NPFFR1: variants seen among roughly 807,000 people sequenced by gnomAD.
The protein encoded by NPFFR1 is neuropeptide FF receptor 1, also known as G-protein coupled receptor 147.
In NPFFR1, 17 loss-of-function variants were observed where a neutral mutation model predicts 12.7. The ratio of observed to expected loss-of-function variants is 1.34; its 90% CI spans 0.92 to 2.01. The LOEUF (loss-of-function observed/expected upper bound fraction) is 2.01. Ranked by LOEUF, NPFFR1 falls within the 30% of genes most tolerant of loss-of-function variation. NPFFR1 has a pLI of 0.00. For missense variants in NPFFR1, 604 were observed against 606.5 expected (o/e 1.00, Z 0.04); for synonymous variants, 296 against 264.5 (o/e 1.12, Z -1.16).
intron 1 of NPFFR1, among the ~76,000 whole-genome samples, chr10:70,282,400 C>T (rs773785407): frequency 2.6e-5 from 4 of 152,158 alleles, no homozygotes; most frequent in African/African-American, 4.8e-5. Flanking sequence ...GCTTTGCTAA[C>T]GCCATTCTTA....
intron 1 of NPFFR1, among the ~76,000 whole-genome samples, chr10:70,269,084 T>C (rs1589913761): frequency 6.6e-6 from 1 of 152,200 alleles, no homozygotes; most frequent in East Asian, 1.9e-4. Context: ...GCTGGATTTT[T>C]CTGATTGCTC....
At chr10:70,275,329 T>C (rs1186610104) in intron 1 of NPFFR1, among the ~76,000 whole-genome samples, 1 of 152,232 alleles carries the variant, frequency 6.6e-6, no homozygotes, top group Non-Finnish European at 1.5e-5. Context: ...CTTTATCACA[T>C]ACTGAGCCTG....
At position 70,255,683 on chromosome 10, in the gene NPFFR1, G is replaced by A; in HGVS notation, c.567C>T (p.Phe189=). Residue 189 remains phenylalanine (F), a synonymous_variant, in exon 4 of 4, where the codon TTC becomes TTT. Transcript: ENST00000277942. This position sits in a 1 kb window ranked among gnomAD's most constrained non-coding sequence, Gnocchi z 4.2. ...TLTVTREEHH[F]MVDARNRSYP... ...AGGAGCGGTTGCGGGCGTCCACCAT[G>A]AAGTGGTGCTCCTCACGGGTGACGG... 2 of 1,604,760 alleles carry A rather than the reference G, an allele frequency of 1.2e-6. No homozygotes were observed. Among genetic ancestry groups the A allele is most frequent in the Non-Finnish European group, 8.5e-7 (1 of 1,176,002 alleles).
chr10:70,255,509 C>A lies in NPFFR1; in HGVS notation c.741G>T (p.Pro247=). The A allele has an allele frequency of 6.5e-7, 1 of 1,547,914 alleles. No individual in the cohort carries two copies. Among genetic ancestry groups the A allele is most frequent in the Non-Finnish European group, 8.7e-7 (1 of 1,145,454 alleles). The part of the protein sequence containing the change: ...ARIARKLCQA[P]GPAPGGEEAA... ...CCTCCTCGCCCCCGGGGGCCGGGCCCGGGGCCTGGCAGAGCTTGCGCGCGA... is the reference window on the plus strand; with the variant it reads ...CCTCCTCGCCCCCGGGGGCCGGGCCAGGGGCCTGGCAGAGCTTGCGCGCGA... The change falls in exon 4 of 4, where the codon CCG becomes CCT. Residue 247 remains proline (P), a synonymous_variant. Transcript: ENST00000277942. The surrounding 1 kb of genome is among the most constrained non-coding windows in gnomAD (Gnocchi z 4.2).
chr10:70,267,547 T>C (rs1355958056), intron 1 of NPFFR1, among the ~76,000 whole-genome samples: 1 of 152,228 alleles, frequency 6.6e-6, no homozygotes, highest in Non-Finnish European at 1.5e-5. Context: ...GGCCCTGCTC[T>C]GTGTGTCTGT....
At position 70,250,193 on chromosome 10, in the gene NPFFR1, G is replaced by A. The variant is rs990527249; in HGVS notation, c.*4764C>T. 2.0e-5 allele frequency: 3 copies of A among 152,218 alleles called. No individual in the cohort carries two copies. The highest frequency in any genetic ancestry group is 7.2e-5 in the African/African-American group (3 of 41,408). The allele number at this position is 152,218 out of a possible 1,614,324, so 9.4% of individuals were successfully genotyped here. A position where few individuals can be genotyped will look rare whatever the true frequency, so the allele number is the denominator to read the frequency against. On this transcript the variant is annotated 3_prime_UTR_variant, in exon 4 of 4. Coordinates refer to ENST00000277942, the MANE Select transcript of NPFFR1 (RefSeq NM_022146.5). ...CCCAAAGTGCTGGGATTACAGACGT[G>A]AGCCACCACACCTGGCCTGGAAATT... is the stretch of plus-strand genomic sequence containing the variant.
chr10:70,263,240 A>G (rs137896399), intron 2 of NPFFR1, among the ~76,000 whole-genome samples: 402 of 152,342 alleles, frequency 2.6e-3, no homozygotes, highest in Non-Finnish European at 4.6e-3. Flanking sequence ...ATTTTAATGT[A>G]TGTTAAATTA....
intron 2 of NPFFR1, among the ~76,000 whole-genome samples, chr10:70,265,314 T>C (rs879395742): frequency 1.3e-5 from 2 of 152,242 alleles, no homozygotes; most frequent in Non-Finnish European, 2.9e-5. Context: ...TCCATATCTC[T>C]GAAAACCAGT....
At chr10:70,272,292 T>G (rs1456253644) in intron 1 of NPFFR1, among the ~76,000 whole-genome samples, 2 of 150,646 alleles carry the variant, frequency 1.3e-5, no homozygotes, top group Non-Finnish European at 3.0e-5. Context: ...CCTAAATGAA[T>G]GAGCTTAACC....
chr10:70,264,318 G>A (rs1840665874), intron 2 of NPFFR1, among the ~76,000 whole-genome samples: 1 of 138,370 alleles, frequency 7.2e-6, no homozygotes, highest in African/African-American at 2.7e-5. Context: ...AGGTTGCAGT[G>A]AGCCGAGATC....
rs573731429 is a variant in NPFFR1, at chr10:70,250,267, G to C, written c.*4690C>G. ...TGTTGGCCAGGATGTAGAACAACTG[G>C]AACATTCATACACTGCTGATGGGAG... On this transcript the variant is annotated 3_prime_UTR_variant, in exon 4 of 4. Transcript: ENST00000277942. 2.0e-5 allele frequency: 3 copies of C among 152,310 alleles called. No individual in the cohort carries two copies. Among genetic ancestry groups the C allele is most frequent in the African/African-American group, 7.2e-5 (3 of 41,570 alleles). 9.4% of individuals were successfully genotyped at this position (152,310 alleles called of 1,614,324 possible). A position where few individuals can be genotyped will look rare whatever the true frequency, so the allele number is the denominator to read the frequency against.
At chr10:70,274,710 C>T (rs1840783954) in intron 1 of NPFFR1, among the ~76,000 whole-genome samples, 1 of 152,146 alleles carries the variant, frequency 6.6e-6, no homozygotes, top group South Asian at 2.1e-4. Context: ...TCCTGCCTCT[C>T]CCAACCTCAT....
Position 70,266,307 on chromosome 10 carries a change from G to T in NPFFR1, c.92C>A (p.Thr31Asn). The T allele has an allele frequency of 1.2e-6, 2 of 1,613,792 alleles. No individual in the cohort carries two copies. Among genetic ancestry groups the T allele is most frequent in the South Asian group, 1.1e-5 (1 of 91,022 alleles). The change falls in exon 2 of 4, where the codon ACC becomes AAC. Residue 31 changes from threonine to asparagine, a missense_variant. Physicochemically the swap from Thr to Asn is moderately conservative, Grantham distance 65. Coordinates refer to ENST00000277942, the MANE Select transcript of NPFFR1 (RefSeq NM_022146.5). ...NTEATPATNL[T>N]FSSYYQHTSP... ...GGTGTGCTGATAGTAGGAGGAGAAG[G>T]TGAGGTTTGTAGCCGGGGTGGCCTC...
intron 1 of NPFFR1, among the ~76,000 whole-genome samples, chr10:70,275,424 G>A (rs972559249): frequency 5.9e-5 from 9 of 152,178 alleles, no homozygotes; most frequent in Admixed American, 2.0e-4. Context: ...GGAAAGTAAA[G>A]GGGAGGCAGG....
intron 2 of NPFFR1, among the ~76,000 whole-genome samples, chr10:70,264,197 A>C (rs1410041393): frequency 6.6e-6 from 1 of 152,080 alleles, no homozygotes; most frequent in Non-Finnish European, 1.5e-5. Flanking sequence ...AACATGGTGA[A>C]ACCCCATCTC....
Position 70,247,711 on chromosome 10 carries a change from C to T in NPFFR1, c.*7246G>A, listed in dbSNP as rs1468732555. ...CACTAAGCTTGGGTTTTTCCACCCA[C>T]ATTAATTTGGTTGCTTGCACATGAC... is the stretch of plus-strand genomic sequence containing the variant. On this transcript the variant is annotated 3_prime_UTR_variant, in exon 4 of 4. Transcript: ENST00000277942. 6.6e-6 allele frequency: 1 copy of T among 152,200 alleles called. No individual in the cohort carries two copies. The highest frequency in any genetic ancestry group is 6.5e-5 in the Admixed American group (1 of 15,286). The allele number at this position is 152,200 out of a possible 1,614,324, so 9.4% of individuals were successfully genotyped here.
At chr10:70,277,643 C>T (rs769876253) in intron 1 of NPFFR1, among the ~76,000 whole-genome samples, 4 of 152,148 alleles carry the variant, frequency 2.6e-5, no homozygotes, top group Admixed American at 6.5e-5. Context: ...CCAGCCAGTG[C>T]GGGTGTATAT....
At chr10:70,271,738 G>A (rs895795740) in intron 1 of NPFFR1, among the ~76,000 whole-genome samples, 1 of 152,230 alleles carries the variant, frequency 6.6e-6, no homozygotes. Context: ...GTGTGAGGCA[G>A]CAGCAGCGGG....
In NPFFR1 at chr10:70,254,991, TG is replaced by T; in HGVS notation, c.1258del (p.His420ThrfsTer40). ...GLPREGPGCS[H>X]LPLTIPAWDI ...CCAGGCTGGAATGGTGAGGGGCAGG[TG>T]GGAGCAGCCAGGCCCTTCCCTGGGC... On this transcript the variant is annotated frameshift_variant, in exon 4 of 4. Transcript: ENST00000277942. LOFTEE classifies it high-confidence loss of function. The T allele has an allele frequency of 6.9e-7, 1 of 1,442,186 alleles. No individual in the cohort carries two copies. The highest frequency in any genetic ancestry group is 9.1e-7 in the Non-Finnish European group (1 of 1,104,756). The allele number at this position is 1,442,186 out of a possible 1,614,324, so 89.3% of individuals were successfully genotyped here. A position where few individuals can be genotyped will look rare whatever the true frequency, so the allele number is the denominator to read the frequency against.
Sources: gnomAD v4.1 joint callset for allele counts (sites outside exome capture counted in the v4.1 genomes callset) on GRCh38, gnomAD v4.1.1 for gene constraint, Gnocchi (gnomAD v3.1) non-coding constraint, MANE v1.5 for transcripts, NCBI Gene and HGNC (gene_info 2026-07-23, HGNC 2026-07-21) for gene names.